The following PRR16 variants were observed in gnomAD, a reference collection of about 807,000 sequenced individuals.
PRR16 encodes the protein protein Largen.
A neutral mutation model predicts 18.2 loss-of-function variants in PRR16; 6 were observed. The observed-to-expected ratio is 0.33, with a 90% confidence interval of 0.18 to 0.65. The LOEUF is 0.65. Among genes scored for constraint, PRR16 ranks in the 30% least tolerant of loss-of-function variants. The probability of loss-of-function intolerance (pLI) is 0.74; values close to 1 mark genes in which losing one functional copy is unlikely to be tolerated. For synonymous variants in PRR16, 151 were observed against 147.8 expected (o/e 1.02, Z -0.16); for missense variants, 412 against 376.6 (o/e 1.09, Z -0.78).
chr5:120,743,170 C>T, the PRR16 span, among the ~76,000 whole-genome samples: 1 of 152,104 alleles, frequency 6.6e-6, no homozygotes. Flanking sequence ...CCTTTTTCTT[C>T]TCTGAATATT....
chr5:120,587,134 T>C (rs897943204), intron 1 of PRR16, among the ~76,000 whole-genome samples: 1 of 152,160 alleles, frequency 6.6e-6, no homozygotes, highest in Non-Finnish European at 1.5e-5. Flanking sequence ...GCTGAGAAAC[T>C]TCATAAAGGC....
At chr5:120,708,959 T>C in the PRR16 span, among the ~76,000 whole-genome samples, 1 of 140,980 alleles carries the variant, frequency 7.1e-6, no homozygotes, top group South Asian at 2.2e-4. Context: ...AATTTATCTT[T>C]ACTCTTTACT....
intron 1 of PRR16, among the ~76,000 whole-genome samples, chr5:120,602,393 GA>G (rs951968000): frequency 1.3e-5 from 2 of 151,938 alleles, no homozygotes; most frequent in Non-Finnish European, 2.9e-5. Context: ...AAATACTACT[GA>G]TTTTTTTGTA....
chr5:120,574,101 A>G (rs944854121), intron 1 of PRR16, among the ~76,000 whole-genome samples: 2 of 152,088 alleles, frequency 1.3e-5, no homozygotes, highest in African/African-American at 4.8e-5. Flanking sequence ...CCTCAAAAAC[A>G]TCAATTGGAC....
At chr5:120,504,678 G>T (rs754271624) in intron 1 of PRR16, among the ~76,000 whole-genome samples, 5 of 152,158 alleles carry the variant, frequency 3.3e-5, no homozygotes, top group Non-Finnish European at 7.3e-5. Flanking sequence ...ATTCAGAGAA[G>T]GGCACTGAGC....
intron 1 of PRR16, among the ~76,000 whole-genome samples, chr5:120,576,418 T>G (rs1444771275): frequency 6.6e-6 from 1 of 152,156 alleles, no homozygotes; most frequent in African/African-American, 2.4e-5. Flanking sequence ...GAAAAAATGT[T>G]CAATATCACT....
At chr5:120,705,256 T>G in the PRR16 span, among the ~76,000 whole-genome samples, 1 of 152,100 alleles carries the variant, frequency 6.6e-6, no homozygotes, top group African/African-American at 2.4e-5. Flanking sequence ...ATTTATAGCT[T>G]TTATTCAGAT....
chr5:120,704,129 ACT>A, the PRR16 span, among the ~76,000 whole-genome samples: 4 of 152,174 alleles, frequency 2.6e-5, 1 homozygote, highest in Admixed American at 2.0e-4. Context: ...TCCTTTCAAA[ACT>A]CTGTAGAAAA....
chr5:120,661,002 A>G (rs553301498), intron 1 of PRR16, among the ~76,000 whole-genome samples: 108 of 152,194 alleles, frequency 7.1e-4, no homozygotes, highest in African/African-American at 2.6e-3. Flanking sequence ...AGTTTCTGTC[A>G]GTTGTCTCTA....
At position 120,687,020 on chromosome 5, in the gene PRR16, T is replaced by C. The variant is rs1038181323; in HGVS notation, c.*311T>C. ...TTTTGATTTACTATAAGAGCTGGGA[T>C]TTGATTCATTTTATTTATGCCTAAG... On this transcript the variant is annotated 3_prime_UTR_variant, in exon 2 of 2. Coordinates refer to ENST00000407149, the MANE Select transcript of PRR16 (RefSeq NM_001300783.2). 5.1e-6 allele frequency: 1 copy of C among 195,480 alleles called. No individual in the cohort carries two copies. Among genetic ancestry groups the C allele is most frequent in the African/African-American group, 2.3e-5 (1 of 43,278 alleles). The allele number at this position is 195,480 out of a possible 1,614,324, so 12.1% of individuals were successfully genotyped here.
At chr5:120,737,073 A>G in the PRR16 span, among the ~76,000 whole-genome samples, 58 of 152,194 alleles carry the variant, frequency 3.8e-4, no homozygotes, top group East Asian at 0.01. Flanking sequence ...AAATGATTTT[A>G]TTTCTTCCTT....
chr5:120,649,138 G>A (rs1755692558), intron 1 of PRR16, among the ~76,000 whole-genome samples: 1 of 152,094 alleles, frequency 6.6e-6, no homozygotes, highest in African/African-American at 2.4e-5. Flanking sequence ...CACTGGGGTG[G>A]ATTGGAAGAA....
intron 1 of PRR16, among the ~76,000 whole-genome samples, chr5:120,540,599 C>T (rs1196852530): frequency 6.6e-6 from 1 of 152,124 alleles, no homozygotes; most frequent in African/African-American, 2.4e-5. Flanking sequence ...CCACCTTCCT[C>T]TCTCCTTTGG....
chr5:120,502,505 T>G (rs10478472), intron 1 of PRR16, among the ~76,000 whole-genome samples: 41,441 of 151,812 alleles, frequency 0.27, 6,978 homozygotes, highest in African/African-American at 0.48. Context: ...TCTATGTGTT[T>G]GTGACAGGAA....
chr5:120,536,776 C>T (rs1206485104), intron 1 of PRR16, among the ~76,000 whole-genome samples: 1 of 152,170 alleles, frequency 6.6e-6, no homozygotes, highest in Non-Finnish European at 1.5e-5. Flanking sequence ...TGTTTTTAAT[C>T]TGAGCAATTA....
At chr5:120,764,383 C>A in the PRR16 span, among the ~76,000 whole-genome samples, 2 of 152,080 alleles carry the variant, frequency 1.3e-5, no homozygotes, top group East Asian at 3.9e-4. Context: ...CTATGTTATA[C>A]CAGCCTTGCA....
At chr5:120,663,877 C>T (rs552439454) in intron 1 of PRR16, among the ~76,000 whole-genome samples, 1 of 152,172 alleles carries the variant, frequency 6.6e-6, no homozygotes, top group South Asian at 2.1e-4. Flanking sequence ...GGGTCACAAC[C>T]CATTTTCAAG....
the PRR16 span, chr5:120,710,755 G>C: frequency 6.6e-6 from 1 of 152,146 alleles, no homozygotes; most frequent in African/African-American, 2.4e-5. Context: ...AGTCATCATG[G>C]TGAGACATTG....
chr5:120,540,684 G>T (rs867869993), intron 1 of PRR16, among the ~76,000 whole-genome samples: 16 of 152,098 alleles, frequency 1.1e-4, no homozygotes, highest in South Asian at 2.1e-4. Flanking sequence ...GGAACGCTAA[G>T]CATCTGGGAG....
Sources: gnomAD v4.1 joint callset for allele counts (sites outside exome capture counted in the v4.1 genomes callset) on GRCh38, gnomAD v4.1.1 for gene constraint, MANE v1.5 for transcripts, NCBI Gene and HGNC (gene_info 2026-07-23, HGNC 2026-07-21) for gene names.